BANK1: variants seen among roughly 807,000 people sequenced by gnomAD.
BANK1 encodes the protein B-cell scaffold protein with ankyrin repeats.
Under a neutral mutation model 94.5 loss-of-function variants are expected in BANK1, and 95 were observed. That is an observed-to-expected ratio of 1.00 (90% CI 0.85 to 1.19). The LOEUF (loss-of-function observed/expected upper bound fraction) is 1.19, where lower values mean the gene tolerates loss of function less well. Among genes scored for constraint, BANK1 ranks in the 50% most tolerant of loss-of-function variants. BANK1 has a pLI of 0.00. For synonymous variants in BANK1, 334 were observed against 308.4 expected, an observed-to-expected ratio of 1.08 and a Z score of -0.87; for missense variants, 987 against 932.2, an observed-to-expected ratio of 1.06 and a Z score of -0.77.
At chr4:101,924,906 C>CT (rs747096362) in intron 7 of BANK1, among the ~76,000 whole-genome samples, 6 of 151,730 alleles carry the variant, frequency 4.0e-5, no homozygotes, top group South Asian at 2.1e-4. Context: ...ATTTGTTATC[C>CT]TTTTTATTCC....
chr4:101,898,435 C>G (rs1007217340), intron 6 of BANK1, among the ~76,000 whole-genome samples: 19 of 152,004 alleles, frequency 1.2e-4, no homozygotes, highest in African/African-American at 4.3e-4. Context: ...GGTGTTACCC[C>G]AGGTATCTAT....
Position 101,912,432 on chromosome 4 carries a change from C to T in BANK1, c.1010-5561C>T, listed in dbSNP as rs558189885. 4.5e-4 allele frequency among the ~76,000 whole-genome samples: 68 copies of T among 151,952 alleles called. No individual in the cohort carries two copies. The Middle Eastern group carries it at 0.01, about 23-fold the overall frequency. ...TGTAAGTTATGGTTTGCCAAAGCCGCCACAGCATCTGCCTCACTGTATTGG... is the reference window on the plus strand; with the variant it reads ...TGTAAGTTATGGTTTGCCAAAGCCGTCACAGCATCTGCCTCACTGTATTGG... On this transcript the variant is annotated intron_variant, in intron 6 of 16. Coordinates refer to ENST00000322953, the MANE Select transcript of BANK1 (RefSeq NM_017935.5).
At chr4:101,871,599 G>T (rs1043367398) in intron 5 of BANK1, among the ~76,000 whole-genome samples, 4 of 152,116 alleles carry the variant, frequency 2.6e-5, no homozygotes, top group African/African-American at 9.7e-5. Flanking sequence ...AAGACAGGTA[G>T]TGAAATAACA....
chr4:102,041,882 T>C (rs1052896339), intron 10 of BANK1, among the ~76,000 whole-genome samples: 1 of 152,032 alleles, frequency 6.6e-6, no homozygotes, highest in African/African-American at 2.4e-5. Flanking sequence ...CAAAAAGGAT[T>C]CCAGTAACAT....
chr4:102,006,900 G>A (rs576192797), intron 7 of BANK1, among the ~76,000 whole-genome samples: 1 of 150,026 alleles, frequency 6.7e-6, no homozygotes, highest in Non-Finnish European at 1.5e-5. Flanking sequence ...TCTACAGTGT[G>A]GATGGCAATG....
intron 5 of BANK1, among the ~76,000 whole-genome samples, chr4:101,873,847 T>C: frequency 6.6e-6 from 1 of 152,194 alleles, no homozygotes; most frequent in Middle Eastern, 3.2e-3. Context: ...GTAACTCCTA[T>C]TGAACTAAGG....
intron 1 of BANK1, among the ~76,000 whole-genome samples, chr4:101,800,108 A>G (rs991993376): frequency 4.4e-5 from 5 of 114,352 alleles, no homozygotes; most frequent in African/African-American, 1.7e-4. Context: ...AGGATGCGGA[A>G]CATCACACAC....
intron 11 of BANK1, among the ~76,000 whole-genome samples, chr4:102,051,955 C>T (rs1236556542): frequency 2.0e-5 from 3 of 152,090 alleles, no homozygotes; most frequent in Non-Finnish European, 2.9e-5. Context: ...CTGCATTAGA[C>T]AAAACCTGCT....
intron 1 of BANK1, among the ~76,000 whole-genome samples, chr4:101,803,276 G>T (rs1725416740): frequency 6.6e-6 from 1 of 152,088 alleles, no homozygotes; most frequent in South Asian, 2.1e-4. Flanking sequence ...ATAAAGTTAT[G>T]ATCCAGTCTT....
chr4:101,960,687 T>G (rs1439964118), intron 7 of BANK1, among the ~76,000 whole-genome samples: 1 of 152,208 alleles, frequency 6.6e-6, no homozygotes, highest in East Asian at 1.9e-4. Flanking sequence ...TTTCGTTGTT[T>G]CGTCTTGCTT....
At chr4:102,023,667 C>T (rs544426484) in intron 8 of BANK1, among the ~76,000 whole-genome samples, 30 of 152,222 alleles carry the variant, frequency 2.0e-4, no homozygotes, top group African/African-American at 6.7e-4. Context: ...TCTGACTTTC[C>T]GGGGCTGAAA....
chr4:102,073,648 G>A (rs368203849), intron 15 of BANK1, 36 bp from the exon 16 acceptor site: 17 of 1,578,106 alleles, frequency 1.1e-5, no homozygotes, highest in African/African-American at 4.1e-5. Flanking sequence ...GGGACAAATC[G>A]AGAAATACTA....
intron 7 of BANK1, among the ~76,000 whole-genome samples, chr4:101,962,110 C>T (rs143112616): frequency 1.1e-3 from 169 of 152,272 alleles, no homozygotes; most frequent in Non-Finnish European, 1.9e-3. Flanking sequence ...TGTAATCTGT[C>T]TTTTCTTATC....
At position 101,816,591 on chromosome 4, in the gene BANK1, A is replaced by G. The variant is rs141402343; in HGVS notation, c.71-13217A>G. ...TTTTTTTCTGTTAACAGGTTTAGTA[A>G]TTCCTCATGAGGTTACAGATGTATG... On this transcript the variant is annotated intron_variant, in intron 1 of 16. Coordinates refer to ENST00000322953, the MANE Select transcript of BANK1 (RefSeq NM_017935.5). Among the ~76,000 whole-genome samples, 729 of 150,814 alleles carry G rather than the reference A, an allele frequency of 4.8e-3. 9 individuals are homozygous for G. Among genetic ancestry groups the G allele is most frequent in the African/African-American group, 0.017 (708 of 41,008 alleles).
chr4:102,070,527 T>C (rs34934650), intron 13 of BANK1, among the ~76,000 whole-genome samples: 15,759 of 152,248 alleles, frequency 0.1, 1,162 homozygotes, highest in East Asian at 0.23. Flanking sequence ...TTTTATCTGA[T>C]TGGGAAATTG....
chr4:101,901,022 A>G (rs150587738), intron 6 of BANK1, among the ~76,000 whole-genome samples: 5 of 152,284 alleles, frequency 3.3e-5, no homozygotes, highest in African/African-American at 1.2e-4. Context: ...GAGAGAAGAA[A>G]ATTATCAACC....
intron 2 of BANK1, among the ~76,000 whole-genome samples, chr4:101,847,819 A>G (rs1727313302): frequency 6.6e-6 from 1 of 151,512 alleles, no homozygotes; most frequent in Non-Finnish European, 1.5e-5. Flanking sequence ...ATTGATGGGC[A>G]TTTGGGTTGG....
At chr4:101,815,931 G>A (rs1725897401) in intron 1 of BANK1, among the ~76,000 whole-genome samples, 1 of 152,100 alleles carries the variant, frequency 6.6e-6, no homozygotes, top group Non-Finnish European at 1.5e-5. Flanking sequence ...GCATAATAAT[G>A]TCTCTGTTCC....
intron 7 of BANK1, among the ~76,000 whole-genome samples, chr4:101,920,848 A>T (rs1226981480): frequency 6.6e-6 from 1 of 151,944 alleles, no homozygotes; most frequent in East Asian, 1.9e-4. Context: ...TTAGAAAAAT[A>T]CAGAGAAAAC....
Sources: allele counts gnomAD v4.1 joint callset (sites outside exome capture counted in the v4.1 genomes callset), GRCh38; gene constraint gnomAD v4.1.1; transcripts MANE v1.5; gene names NCBI Gene and HGNC (gene_info 2026-07-23, HGNC 2026-07-21).